The following CACFD1 variants were observed in gnomAD, a reference collection of about 807,000 sequenced individuals.
The protein encoded by CACFD1 is calcium channel flower domain containing 1.
In CACFD1, 26 loss-of-function variants were observed where a neutral mutation model predicts 21.3. The observed-to-expected ratio is 1.22, with a 90% confidence interval of 0.89 to 1.69. The LOEUF (loss-of-function observed/expected upper bound fraction) is 1.69, where lower values mean the gene tolerates loss of function less well. CACFD1 is among the 40% of genes most tolerant of loss of function. The pLI, the probability that CACFD1 is intolerant of heterozygous loss-of-function variation, is 0.00. For missense variants in CACFD1, 265 were observed against 236.2 expected (o/e 1.12, Z -0.80); for synonymous variants, 121 against 106.6 (o/e 1.13, Z -0.83).
Position 133,469,936 on chromosome 9 carries a change from T to C in CACFD1, c.*1283T>C, listed in dbSNP as rs372595083. 4,595 of 152,550 alleles carry C rather than the reference T, an allele frequency of 0.03. 105 individuals are homozygous for C. Among genetic ancestry groups the C allele is most frequent in the Non-Finnish European group, 0.04 (2,715 of 68,216 alleles). The allele number at this position is 152,550 out of a possible 1,614,324, so 9.4% of individuals were successfully genotyped here. ...TCTCGGGCCCATCTGCGTCTGAGGC[T>C]GGGAGTGGCATCTGAGGCCGGGAGT... On this transcript the variant is annotated 3_prime_UTR_variant, in exon 5 of 5. Coordinates refer to ENST00000316948, the MANE Select transcript of CACFD1 (RefSeq NM_017586.5).
Position 133,465,377 on chromosome 9 carries a change from G to C in CACFD1, c.250G>C (p.Glu84Gln). 6.2e-7 allele frequency: 1 copy of C among 1,614,042 alleles called. No individual in the cohort carries two copies. The highest frequency in any genetic ancestry group is 8.5e-7 in the Non-Finnish European group (1 of 1,179,974). The change falls in exon 3 of 5, where the codon GAG becomes CAG. Residue 84 changes from glutamate to glutamine, a missense_variant. Physicochemically the swap from Glu to Gln is conservative, Grantham distance 29. Coordinates refer to ENST00000316948, the MANE Select transcript of CACFD1 (RefSeq NM_017586.5). This position sits in a 1 kb window ranked among gnomAD's most constrained non-coding sequence, Gnocchi z 5.0. ...GGCGCCCTTCTGCTGCCAGTTCATC[G>C]AGTTTGCAAACACAGTGGCGGAGAA... Reference protein sequence around the residue: ...CEAPFCCQFIEFANTVAEKVD... With the variant: ...CEAPFCCQFIQFANTVAEKVD...
intron 1 of CACFD1, 191 bp from the exon 2 acceptor site, chr9:133,463,292 G>A (rs1286494246): frequency 1.6e-6 from 1 of 627,998 alleles, no homozygotes; most frequent in African/African-American, 2.0e-5. Flanking sequence ...CCTGGGGCAA[G>A]CAAGGCACTG....
In CACFD1 at chr9:133,470,051, C is replaced by T. The variant is rs1340254152; in HGVS notation, c.*1398C>T. ...TACTGCCCTGGGGACTTGGTGGGCT[C>T]CTGGGTCAGCAGCATCCCACCCCTG... On this transcript the variant is annotated 3_prime_UTR_variant, in exon 5 of 5. Transcript: ENST00000316948. 1 of 152,560 alleles carries T rather than the reference C, an allele frequency of 6.6e-6. No homozygotes were observed. Among genetic ancestry groups the T allele is most frequent in the Admixed American group, 6.5e-5 (1 of 15,274 alleles). 9.5% of individuals were successfully genotyped at this position (152,560 alleles called of 1,614,324 possible).
At position 133,459,999 on chromosome 9, in the gene CACFD1, G is replaced by T; in HGVS notation, c.-68G>T. On this transcript the variant is annotated 5_prime_UTR_variant, in exon 1 of 5. Coordinates refer to ENST00000316948, the MANE Select transcript of CACFD1 (RefSeq NM_017586.5). The stretch of plus-strand genomic sequence containing the variant: ...TGCTCCCTCTCCCACAAGGCAGCGC[G>T]CCGGCTCGGACGCGGCCGGCTACCG... The T allele has an allele frequency of 6.9e-7, 1 of 1,457,482 alleles. No individual in the cohort carries two copies. The highest frequency in any genetic ancestry group is 9.0e-7 in the Non-Finnish European group (1 of 1,106,746). 90.3% of individuals were successfully genotyped at this position (1,457,482 alleles called of 1,614,324 possible). A position where few individuals can be genotyped will look rare whatever the true frequency, so the allele number is the denominator to read the frequency against.
intron 3 of CACFD1, among the ~76,000 whole-genome samples, chr9:133,466,521 C>T (rs1263134838): frequency 1.3e-5 from 2 of 152,164 alleles, no homozygotes; most frequent in African/African-American, 4.8e-5. Context: ...ATTCATTCAG[C>T]TGGATGTATC....
chr9:133,461,875 G>A (rs1843231724), intron 1 of CACFD1: 1 of 985,332 alleles, frequency 1.0e-6, no homozygotes, highest in African/African-American at 1.7e-5. Context: ...CAAGGGTTGT[G>A]TGCCGGGCTG....
At chr9:133,462,503 A>C (rs1209534628) in intron 1 of CACFD1, among the ~76,000 whole-genome samples, 2 of 152,262 alleles carry the variant, frequency 1.3e-5, no homozygotes, top group Non-Finnish European at 2.9e-5. Context: ...GCAGAATTCC[A>C]GACCCAGGTG....
Position 133,469,000 on chromosome 9 carries a change from T to C in CACFD1, c.*347T>C. The C allele has an allele frequency of 2.9e-6, 1 of 347,056 alleles. No homozygotes were observed. The highest frequency in any genetic ancestry group is 5.2e-6 in the Non-Finnish European group (1 of 192,150). 21.5% of individuals were successfully genotyped at this position (347,056 alleles called of 1,614,324 possible). On this transcript the variant is annotated 3_prime_UTR_variant, in exon 5 of 5. Coordinates refer to ENST00000316948, the MANE Select transcript of CACFD1 (RefSeq NM_017586.5). ...TTCCCCTGGAGATGCTGGTCCTGGC[T>C]TGAGGGGAGGGGCAAGTGGGACCCT... is the stretch of plus-strand genomic sequence containing the variant.
chr9:133,465,795 G>A lies in CACFD1; in HGVS notation c.320+348G>A, dbSNP rs1027914998. ...AGATGATAGTAGGTCTGTAGGACATGTTTCTCTGCAGCCTTTCCGAAGAGT... is the reference window on the plus strand; with the variant it reads ...AGATGATAGTAGGTCTGTAGGACATATTTCTCTGCAGCCTTTCCGAAGAGT... On this transcript the variant is annotated intron_variant, in intron 3 of 4. Transcript: ENST00000316948. The surrounding 1 kb of genome is among the most constrained non-coding windows in gnomAD (Gnocchi z 5.0). The A allele has an allele frequency of 7.3e-5, 15 of 206,158 alleles. 1 individual carries two copies. The South Asian group carries it at 1.1e-3, about 15-fold the overall frequency. The allele number at this position is 206,158 out of a possible 1,614,324, so 12.8% of individuals were successfully genotyped here.
intron 1 of CACFD1, chr9:133,462,052 G>A (rs1444922445): frequency 3.9e-6 from 5 of 1,290,700 alleles, no homozygotes; most frequent in Non-Finnish European, 5.1e-6. Flanking sequence ...AGGCCCCCAA[G>A]TGGACATCCT....
chr9:133,465,878 G>A lies in CACFD1; in HGVS notation c.320+431G>A, dbSNP rs1843416880. The stretch of plus-strand genomic sequence containing the variant: ...AGAAGCAGGTTGCAGAGCAGAAAAT[G>A]TGGTTGCCCTCTAAATACACTTGTT... On this transcript the variant is annotated intron_variant, in intron 3 of 4. Coordinates refer to ENST00000316948, the MANE Select transcript of CACFD1 (RefSeq NM_017586.5). This position sits in a 1 kb window ranked among gnomAD's most constrained non-coding sequence, Gnocchi z 5.0. 1 of 161,020 alleles carries A rather than the reference G, an allele frequency of 6.2e-6. No individual in the cohort carries two copies. Among genetic ancestry groups the A allele is most frequent in the Admixed American group, 5.9e-5 (1 of 17,006 alleles). The allele number at this position is 161,020 out of a possible 1,614,324, so 10.0% of individuals were successfully genotyped here.
intron 1 of CACFD1, among the ~76,000 whole-genome samples, chr9:133,460,482 G>GCGGGGGCGGGGGGGCGGCGGGGGC (rs1554798206): frequency 1.7e-4 from 26 of 150,462 alleles, no homozygotes; most frequent in South Asian, 4.2e-4. Flanking sequence ...GGCGGGGGCG[G>GCGGGGGCGGGGGGGCGGCGGGGGC]GGGTGGGGCA....
In CACFD1 at chr9:133,460,178, GGGGCAGTCT is replaced by G; in HGVS notation, c.114_121+1del. 6.4e-7 allele frequency: 1 copy of G among 1,553,310 alleles called. No homozygotes were observed. Among genetic ancestry groups the G allele is most frequent in the South Asian group, 1.2e-5 (1 of 84,652 alleles). ...GCTGTGTCGCCTGTCTGGGGTGCTG[GGGGCAGTCT>G]GTGAGTATCCAGTCGGGGAGAGGGG... On this transcript the variant is annotated inframe_deletion and splice_region_variant, in exon 1 of 5. Transcript: ENST00000316948.
chr9:133,469,001 TGAG>T lies in CACFD1; in HGVS notation c.*350_*352del. 2.9e-6 allele frequency: 1 copy of T among 344,806 alleles called. No homozygotes were observed. Among genetic ancestry groups the T allele is most frequent in the Non-Finnish European group, 5.2e-6 (1 of 190,744 alleles). The allele number at this position is 344,806 out of a possible 1,614,324, so 21.4% of individuals were successfully genotyped here. ...TCCCCTGGAGATGCTGGTCCTGGCTTGAGGGGAGGGGCAAGTGGGACCCTGCCA... is the reference window on the plus strand; with the variant it reads ...TCCCCTGGAGATGCTGGTCCTGGCTTGGGAGGGGCAAGTGGGACCCTGCCA... On this transcript the variant is annotated 3_prime_UTR_variant, in exon 5 of 5. Transcript: ENST00000316948.
chr9:133,467,161 C>T (rs1554799712), intron 3 of CACFD1, among the ~76,000 whole-genome samples: 2 of 152,244 alleles, frequency 1.3e-5, no homozygotes, highest in Non-Finnish European at 2.9e-5. Context: ...CAGGCAGCCT[C>T]CTCTAGGGAG....
Position 133,469,200 on chromosome 9 carries a change from C to G in CACFD1, c.*547C>G, listed in dbSNP as rs587714513. 2 of 153,852 alleles carry G rather than the reference C, an allele frequency of 1.3e-5. No homozygotes were observed. The highest frequency in any genetic ancestry group is 2.9e-5 in the Non-Finnish European group (2 of 69,220). 9.5% of individuals were successfully genotyped at this position (153,852 alleles called of 1,614,324 possible). A position where few individuals can be genotyped will look rare whatever the true frequency, so the allele number is the denominator to read the frequency against. The stretch of plus-strand genomic sequence containing the variant: ...GGGCTCCTAAGGTGCACCCCGGTAC[C>G]TGGAACTGCAGCCTTGGCAGTGACT... On this transcript the variant is annotated 3_prime_UTR_variant, in exon 5 of 5. Coordinates refer to ENST00000316948, the MANE Select transcript of CACFD1 (RefSeq NM_017586.5).
chr9:133,461,672 T>C (rs1379512741), intron 1 of CACFD1: 2 of 161,162 alleles, frequency 1.2e-5, no homozygotes, highest in Admixed American at 6.5e-5. Context: ...GAGGTACCTC[T>C]GCCTTTCCTG....
intron 1 of CACFD1, among the ~76,000 whole-genome samples, chr9:133,461,321 C>T (rs1843206223): frequency 6.6e-6 from 1 of 152,202 alleles, no homozygotes; most frequent in South Asian, 2.1e-4. Flanking sequence ...GCTAGGCATG[C>T]CCTTATCCAG....
intron 3 of CACFD1, among the ~76,000 whole-genome samples, chr9:133,467,434 G>T (rs910796569): frequency 3.3e-5 from 5 of 152,266 alleles, no homozygotes; most frequent in African/African-American, 1.2e-4. Context: ...TTGTGGCGAT[G>T]TGGCTGGTGT....
Sources: allele counts gnomAD v4.1 joint callset (sites outside exome capture counted in the v4.1 genomes callset), GRCh38; gene constraint gnomAD v4.1.1; non-coding constraint Gnocchi (gnomAD v3.1); transcripts MANE v1.5; gene names NCBI Gene and HGNC (gene_info 2026-07-23, HGNC 2026-07-21).